Variants in PACRGL observed in about 807,000 individuals in gnomAD.
The protein encoded by PACRGL is PACRG-like protein.
A neutral mutation model predicts 34.5 loss-of-function variants in PACRGL; 38 were observed. The observed-to-expected ratio is 1.10, with a 90% CI of 0.85 to 1.44. PACRGL has a LOEUF of 1.44. Among genes scored for constraint, PACRGL ranks in the 40% most tolerant of loss-of-function variants. The pLI is 0.00. For synonymous variants in PACRGL, 128 were observed against 100.1 expected (o/e 1.28, Z -1.66); for missense variants, 305 against 281.4 (o/e 1.08, Z -0.60).
the PACRGL span, among the ~76,000 whole-genome samples, chr4:20,761,561 C>T: frequency 6.6e-6 from 1 of 152,172 alleles, no homozygotes; most frequent in African/African-American, 2.4e-5. Flanking sequence ...AAATACCTGG[C>T]TCTCTGCCAT....
At chr4:20,734,793 A>AAAAAC (rs112956417), downstream of PACRGL, 55 of 981,744 alleles carry the variant, frequency 5.6e-5, no homozygotes, top group African/African-American at 1.5e-4. Flanking sequence ...AAAAACAAAA[A>AAAAAC]AAACAAATGA....
chr4:20,760,702 A>T, the PACRGL span, among the ~76,000 whole-genome samples: 1 of 152,184 alleles, frequency 6.6e-6, no homozygotes, highest in Non-Finnish European at 1.5e-5. Context: ...TTACACACTA[A>T]GCCAGTGGGG....
rs7439775 is a variant in PACRGL at position 20,703,512 on chromosome 4, T to G, written c.-16-954T>G. 8.0e-3 allele frequency among the ~76,000 whole-genome samples: 509 copies of G among 63,486 alleles called. 3 individuals are homozygous for G. The highest frequency in any genetic ancestry group is 0.019 in the African/African-American group (338 of 18,106). The allele number at this position is 63,486 out of a possible 152,430, so 41.6% of individuals were successfully genotyped here. On this transcript the variant is annotated intron_variant, in intron 1 of 8. Coordinates refer to ENST00000503585, the MANE Select transcript of PACRGL (RefSeq NM_001258345.3). ...TGTGTGTGTGTGTGTGTGTGTGTGT[T>G]TGTGTGTGTGTATTTCTTGCTAGAG...
intron 7 of PACRGL, among the ~76,000 whole-genome samples, chr4:20,720,292 G>A (rs1348076815): frequency 6.6e-6 from 1 of 152,166 alleles, no homozygotes. Context: ...CAATCTGCCA[G>A]TCTGTGTCTT....
At chr4:20,766,707 T>C in the PACRGL span, 1 of 152,226 alleles carries the variant, frequency 6.6e-6, no homozygotes, top group Non-Finnish European at 1.5e-5. Context: ...AAGCCTGACC[T>C]CATGTCTAGG....
At chr4:20,708,411 GA>G (rs1479473469) in intron 4 of PACRGL, among the ~76,000 whole-genome samples, 4 of 151,906 alleles carry the variant, frequency 2.6e-5, no homozygotes, top group Non-Finnish European at 4.4e-5. Flanking sequence ...GTAGATGATA[GA>G]AAATTTTATT....
chr4:20,715,618 A>G (rs578061141), intron 7 of PACRGL, among the ~76,000 whole-genome samples: 5 of 152,098 alleles, frequency 3.3e-5, no homozygotes, highest in Admixed American at 6.6e-5. Flanking sequence ...CTGTAATCCT[A>G]ACACTTTGGA....
intron 8 of PACRGL, among the ~76,000 whole-genome samples, chr4:20,727,064 C>T (rs1158793694): frequency 3.9e-5 from 6 of 152,086 alleles, no homozygotes; most frequent in African/African-American, 1.4e-4. Flanking sequence ...TACTGGTAGT[C>T]TGGCTTCTAA....
intron 4 of PACRGL, among the ~76,000 whole-genome samples, chr4:20,708,373 T>G (rs2149072554): frequency 6.6e-6 from 1 of 152,320 alleles, no homozygotes; most frequent in South Asian, 2.1e-4. Context: ...CATTTATTTC[T>G]TCAGAGTTCA....
chr4:20,744,556 G>A (rs1751978295), intron 8 of PACRGL, among the ~76,000 whole-genome samples: 1 of 150,660 alleles, frequency 6.6e-6, no homozygotes, highest in Non-Finnish European at 1.5e-5. Flanking sequence ...TCATAGGTGG[G>A]AATTGAAAAA....
upstream of PACRGL, among the ~76,000 whole-genome samples, chr4:20,697,417 C>T (rs916134640): frequency 3.3e-5 from 5 of 151,760 alleles, no homozygotes; most frequent in African/African-American, 1.2e-4. Flanking sequence ...AGAACCAGCA[C>T]AATGAGAAAA....
At position 20,729,035 on chromosome 4, in the gene PACRGL, G is replaced by C. The variant is rs1008449160; in HGVS notation, c.*1694G>C. 3 of 152,126 alleles carry C rather than the reference G, an allele frequency of 2.0e-5. No individual in the cohort carries two copies. The highest frequency in any genetic ancestry group is 7.2e-5 in the African/African-American group (3 of 41,388). The allele number at this position is 152,126 out of a possible 1,614,324, so 9.4% of individuals were successfully genotyped here. The stretch of plus-strand genomic sequence containing the variant: ...AGTTGTCAATGTAATGGAACCACTG[G>C]TGCTTTCAAAGTGAATTTTGCTTGC... On this transcript the variant is annotated 3_prime_UTR_variant, in exon 9 of 9. Transcript: ENST00000503585.
downstream of PACRGL, chr4:20,734,775 A>T (rs745728360): frequency 6.5e-6 from 8 of 1,233,624 alleles, no homozygotes; most frequent in Admixed American, 2.3e-5. Flanking sequence ...TGACATTTTT[A>T]AAAAAACAAA....
chr4:20,721,171 T>C (rs1206229024), intron 7 of PACRGL, among the ~76,000 whole-genome samples: 1 of 152,210 alleles, frequency 6.6e-6, no homozygotes, highest in Non-Finnish European at 1.5e-5. Context: ...GGTGTTCAGC[T>C]CCATCAGGTC....
chr4:20,757,707 G>A (rs902538599), downstream of PACRGL, among the ~76,000 whole-genome samples: 8 of 152,248 alleles, frequency 5.3e-5, no homozygotes, highest in South Asian at 6.2e-4. Flanking sequence ...ATGGGAGAGC[G>A]AAAGACTATA....
At chr4:20,732,588 C>T, downstream of PACRGL, 3 of 778,612 alleles carry the variant, frequency 3.9e-6, no homozygotes, top group South Asian at 3.0e-5. Flanking sequence ...AATTATTTTC[C>T]TTTGCTCTCT....
intron 8 of PACRGL, among the ~76,000 whole-genome samples, chr4:20,741,249 C>A (rs1351000965): frequency 6.6e-6 from 1 of 152,190 alleles, no homozygotes; most frequent in Non-Finnish European, 1.5e-5. Flanking sequence ...ACTCTCCACC[C>A]CAAATCAACA....
rs146706282 is a variant in PACRGL at position 20,731,259 on chromosome 4, A to AGATGATT, written c.*3921_*3922insGATTGAT. 5.8e-6 allele frequency: 2 copies of AGATGATT among 344,160 alleles called. No individual in the cohort carries two copies. Among genetic ancestry groups the AGATGATT allele is most frequent in the Admixed American group, 6.5e-5 (1 of 15,428 alleles). The allele number at this position is 344,160 out of a possible 1,614,324, so 21.3% of individuals were successfully genotyped here. ...TAACTTAATTTTTTTTTGTAGAGAT[A>AGATGATT]GATAGGGTCTTGCTATGTTGCCCAC... is the stretch of plus-strand genomic sequence containing the variant. On this transcript the variant is annotated 3_prime_UTR_variant, in exon 9 of 9. Coordinates refer to ENST00000503585, the MANE Select transcript of PACRGL (RefSeq NM_001258345.3).
chr4:20,748,894 G>GTGTATA (rs1160169512), intron 8 of PACRGL, among the ~76,000 whole-genome samples: 6,451 of 145,066 alleles, frequency 0.044, 183 homozygotes, highest in East Asian at 0.076. Flanking sequence ...GTGTGTGTGT[G>GTGTATA]TATATATATA....
Sources: gnomAD v4.1 joint callset for allele counts (sites outside exome capture counted in the v4.1 genomes callset) on GRCh38, gnomAD v4.1.1 for gene constraint, MANE v1.5 for transcripts, NCBI Gene and HGNC (gene_info 2026-07-23, HGNC 2026-07-21) for gene names.